CIMIP4: variants seen among roughly 807,000 people sequenced by gnomAD.
CIMIP4 encodes the protein protein EAN57.
At chr22:36,994,411 C>T in the CIMIP4 span, among the ~76,000 whole-genome samples, 4 of 152,032 alleles carry the variant, frequency 2.6e-5, no homozygotes, top group Non-Finnish European at 5.9e-5. Context: ...CTCCGCCTAC[C>T]TCCGCCTCCC....
the CIMIP4 span, among the ~76,000 whole-genome samples, chr22:37,004,427 G>A: frequency 6.6e-6 from 1 of 152,114 alleles, no homozygotes; most frequent in Non-Finnish European, 1.5e-5. Context: ...GCAGGCCCCT[G>A]GCTGTGAAGC....
chr22:37,003,908 G>A, the CIMIP4 span: 4 of 1,505,736 alleles, frequency 2.7e-6, no homozygotes, highest in Non-Finnish European at 3.6e-6. Context: ...GCTGCCCCAG[G>A]GAGTCCCTCC....
At chr22:37,004,553 G>A in the CIMIP4 span, among the ~76,000 whole-genome samples, 28 of 152,306 alleles carry the variant, frequency 1.8e-4, no homozygotes, top group African/African-American at 6.3e-4. Flanking sequence ...CACCACGAAG[G>A]AGAACCAAGA....
chr22:37,004,646 G>A, the CIMIP4 span, among the ~76,000 whole-genome samples: 1 of 151,934 alleles, frequency 6.6e-6, no homozygotes, highest in Non-Finnish European at 1.5e-5. Flanking sequence ...AGATTCAAAA[G>A]CCTCTGCAGC....
At chr22:37,004,607 C>T in the CIMIP4 span, among the ~76,000 whole-genome samples, 7 of 152,316 alleles carry the variant, frequency 4.6e-5, no homozygotes, top group Admixed American at 2.6e-4. Flanking sequence ...AGTCTTCTCT[C>T]TAAGGCCTTG....
chr22:37,003,815 A>C, the CIMIP4 span: 2 of 635,802 alleles, frequency 3.1e-6, no homozygotes, highest in Non-Finnish European at 4.9e-6. Context: ...CTTCCAACAG[A>C]ATGCCCCCCT....
the CIMIP4 span, among the ~76,000 whole-genome samples, chr22:36,994,629 GA>G: frequency 7.5e-5 from 8 of 107,182 alleles, no homozygotes; most frequent in South Asian, 5.9e-4. Flanking sequence ...CGCCTCCTGA[GA>G]TTTTTTTTTT....
chr22:36,993,738 G>A, the CIMIP4 span, among the ~76,000 whole-genome samples: 24 of 150,390 alleles, frequency 1.6e-4, no homozygotes, highest in African/African-American at 5.1e-4. Context: ...CAAAAAAAAA[G>A]AAAAGAAAAG....
chr22:36,995,742 C>T, the CIMIP4 span, among the ~76,000 whole-genome samples: 13 of 152,140 alleles, frequency 8.5e-5, no homozygotes, highest in African/African-American at 2.9e-4. Flanking sequence ...TCTCTCTTGT[C>T]GGCCACCGTG....
the CIMIP4 span, among the ~76,000 whole-genome samples, chr22:36,997,353 A>T: frequency 1.3e-5 from 2 of 152,256 alleles, no homozygotes; most frequent in African/African-American, 4.8e-5. Context: ...TAATTCAGTA[A>T]ATAGCCATCT....
chr22:36,994,630 ATTT>A, the CIMIP4 span, among the ~76,000 whole-genome samples: 2 of 114,168 alleles, frequency 1.8e-5, no homozygotes, highest in Non-Finnish European at 1.7e-5. Flanking sequence ...GCCTCCTGAG[ATTT>A]TTTTTTTTTT....
the CIMIP4 span, chr22:36,991,158 G>T: frequency 6.8e-6 from 11 of 1,608,178 alleles, no homozygotes; most frequent in Non-Finnish European, 9.4e-6. Flanking sequence ...TTGAGTAGAA[G>T]ACACCTCTAC....
chr22:37,001,809 A>G, the CIMIP4 span: 36 of 1,508,562 alleles, frequency 2.4e-5, no homozygotes, highest in South Asian at 4.5e-4. Flanking sequence ...AAGACTCTGC[A>G]TCACCCTCCT....
the CIMIP4 span, chr22:37,000,099 A>T: frequency 7.4e-7 from 1 of 1,343,014 alleles, no homozygotes; most frequent in Non-Finnish European, 1.0e-6. Flanking sequence ...TCCCACCTGT[A>T]GCCTGCAGCC....
the CIMIP4 span, among the ~76,000 whole-genome samples, chr22:36,993,366 A>G: frequency 6.6e-6 from 1 of 152,156 alleles, no homozygotes; most frequent in Admixed American, 6.5e-5. Context: ...GCCTAGATTA[A>G]CTTTATAATT....
At chr22:36,992,852 C>T in the CIMIP4 span, among the ~76,000 whole-genome samples, 1 of 151,484 alleles carries the variant, frequency 6.6e-6, no homozygotes, top group Non-Finnish European at 1.5e-5. Context: ...TGGCTCACGC[C>T]TGTAATCCCA....
chr22:36,991,425 C>G, the CIMIP4 span: 1 of 1,586,878 alleles, frequency 6.3e-7, no homozygotes, highest in African/African-American at 1.3e-5. Flanking sequence ...AGAGCCAACA[C>G]ACCCTGCTGG....
At chr22:36,991,455 C>T in the CIMIP4 span, 1 of 1,608,204 alleles carries the variant, frequency 6.2e-7, no homozygotes, top group Admixed American at 1.7e-5. Context: ...GTCCCTGCCT[C>T]CCATCACCCG....
At chr22:37,003,542 A>T in the CIMIP4 span, among the ~76,000 whole-genome samples, 1 of 151,942 alleles carries the variant, frequency 6.6e-6, no homozygotes, top group Admixed American at 6.6e-5. Flanking sequence ...TGCCTGAGCT[A>T]TTTCTCCTGC....
Sources: gnomAD v4.1 joint callset for allele counts (sites outside exome capture counted in the v4.1 genomes callset) on GRCh38, gnomAD v4.1.1 for gene constraint, MANE v1.5 for transcripts, NCBI Gene and HGNC (gene_info 2026-07-23, HGNC 2026-07-21) for gene names.